ADAMTSL1: variants seen among roughly 807,000 people sequenced by gnomAD.
The protein encoded by ADAMTSL1 is ADAMTS-like protein 1.
In ADAMTSL1, 126 loss-of-function variants were observed where a neutral mutation model predicts 201.8. The observed-to-expected ratio is 0.62, with a 90% CI of 0.54 to 0.72. The LOEUF is 0.72. ADAMTSL1 is among the 30% of genes least tolerant of loss of function. The pLI, the probability that ADAMTSL1 is intolerant of heterozygous loss-of-function variation, is 0.00. For synonymous variants in ADAMTSL1, 1,121 were observed against 903.4 expected (o/e 1.24, Z -4.32); for missense variants, 2,679 against 2,277.8 (o/e 1.18, Z -3.59).
At chr9:18,174,842 C>T (rs539885320) in intron 2 of ADAMTSL1, among the ~76,000 whole-genome samples, 1 of 152,050 alleles carries the variant, frequency 6.6e-6, no homozygotes, top group Non-Finnish European at 1.5e-5. Flanking sequence ...CGTAATTTTG[C>T]TAAATTTAAA....
Position 18,777,187 on chromosome 9 carries a change from C to T in ADAMTSL1, c.2958C>T (p.Gly986=), listed in dbSNP as rs1434678993. The T allele has an allele frequency of 3.7e-6, 6 of 1,612,856 alleles. No individual in the cohort carries two copies. Among genetic ancestry groups the T allele is most frequent in the Non-Finnish European group, 3.4e-6 (4 of 1,179,804 alleles). Residue 986 remains glycine, a synonymous_variant, in exon 19 of 29, where the codon GGC becomes GGT. Transcript: ENST00000380548. ...AAGAGGTGCTTGCGGGGAGGAAGGG[C>T]GGCCCGAAGGAGGCCCTGCAGACCC... The part of the protein sequence containing the change: ...SEEEVLAGRK[G]GPKEALQTHK...
intron 2 of ADAMTSL1, among the ~76,000 whole-genome samples, chr9:18,312,775 A>T (rs879476734): frequency 2.0e-5 from 3 of 152,026 alleles, no homozygotes; most frequent in Non-Finnish European, 2.9e-5. Flanking sequence ...CCCAACAAAA[A>T]CTCTCTGCAA....
intron 2 of ADAMTSL1, among the ~76,000 whole-genome samples, chr9:18,506,518 G>A (rs1176437416): frequency 6.6e-6 from 1 of 152,082 alleles, no homozygotes; most frequent in Non-Finnish European, 1.5e-5. Context: ...AGACTGAGAA[G>A]CAATTTAGGG....
chr9:18,253,504 T>A (rs1199878789), intron 2 of ADAMTSL1, among the ~76,000 whole-genome samples: 1 of 152,160 alleles, frequency 6.6e-6, no homozygotes, highest in Non-Finnish European at 1.5e-5. Flanking sequence ...AACTTCCACT[T>A]TCCCCCATTA....
At chr9:18,085,234 A>G (rs1435580973) in intron 1 of ADAMTSL1, among the ~76,000 whole-genome samples, 1 of 152,026 alleles carries the variant, frequency 6.6e-6, no homozygotes, top group Non-Finnish European at 1.5e-5. Context: ...CAATAGAGGA[A>G]CTAATGCCCA....
intron 2 of ADAMTSL1, among the ~76,000 whole-genome samples, chr9:18,236,678 A>C (rs1429438245): frequency 6.6e-6 from 1 of 152,234 alleles, no homozygotes; most frequent in Admixed American, 6.5e-5. Flanking sequence ...AATCATGATT[A>C]GATCTATTAA....
chr9:18,129,514 A>C (rs1175720259), intron 1 of ADAMTSL1, among the ~76,000 whole-genome samples: 1 of 152,112 alleles, frequency 6.6e-6, no homozygotes, highest in African/African-American at 2.4e-5. Context: ...TATCTTTTCA[A>C]TATCATCCCT....
At chr9:18,150,711 G>A (rs1197537836) in intron 1 of ADAMTSL1, among the ~76,000 whole-genome samples, 1 of 150,508 alleles carries the variant, frequency 6.6e-6, no homozygotes, top group Non-Finnish European at 1.5e-5. Context: ...TAGAGGAGGG[G>A]GGAGAGTAAT....
chr9:18,532,882 G>C (rs1433726117), intron 2 of ADAMTSL1, among the ~76,000 whole-genome samples: 1 of 151,740 alleles, frequency 6.6e-6, no homozygotes, highest in African/African-American at 2.4e-5. Context: ...CAAGATCTAA[G>C]TTTTTCAGTG....
At chr9:18,450,337 T>C (rs1238346382) in intron 2 of ADAMTSL1, among the ~76,000 whole-genome samples, 1 of 152,118 alleles carries the variant, frequency 6.6e-6, no homozygotes, top group Non-Finnish European at 1.5e-5. Context: ...ATGGGTAGAT[T>C]TTACTGTATT....
At chr9:18,895,092 G>A (rs56233074) in intron 26 of ADAMTSL1, among the ~76,000 whole-genome samples, 38,456 of 152,132 alleles carry the variant, frequency 0.25, 5,718 homozygotes, top group Non-Finnish European at 0.33. Context: ...TCTGTGAATG[G>A]CAGTTTCAGT....
At chr9:18,093,521 T>G (rs1824114741) in intron 1 of ADAMTSL1, among the ~76,000 whole-genome samples, 1 of 152,226 alleles carries the variant, frequency 6.6e-6, no homozygotes, top group Admixed American at 6.5e-5. Flanking sequence ...TTTAGGTTTA[T>G]GAAATTTATA....
chr9:18,261,449 AG>A (rs1311391490), intron 2 of ADAMTSL1, among the ~76,000 whole-genome samples: 1 of 152,192 alleles, frequency 6.6e-6, no homozygotes, highest in Non-Finnish European at 1.5e-5. Flanking sequence ...TCCCTCAGGA[AG>A]CTCGAGATAC....
At chr9:18,700,435 T>C (rs1024641828) in intron 13 of ADAMTSL1, among the ~76,000 whole-genome samples, 15 of 152,168 alleles carry the variant, frequency 9.9e-5, no homozygotes, top group African/African-American at 3.6e-4. Flanking sequence ...TCCTTTTCTC[T>C]CTTCCAAGTT....
chr9:18,720,522 G>A (rs1333653444), intron 14 of ADAMTSL1, among the ~76,000 whole-genome samples: 3 of 152,198 alleles, frequency 2.0e-5, no homozygotes, highest in African/African-American at 4.8e-5. Context: ...AATGGCTCAC[G>A]CCTGTAATCC....
intron 20 of ADAMTSL1, among the ~76,000 whole-genome samples, chr9:18,797,281 A>C (rs1396926483): frequency 6.6e-6 from 1 of 152,188 alleles, no homozygotes; most frequent in Non-Finnish European, 1.5e-5. Flanking sequence ...TCCCTCTAAA[A>C]ACAAAGGCTC....
At chr9:18,493,634 A>C (rs558507944) in intron 1 of ADAMTSL1, among the ~76,000 whole-genome samples, 4 of 152,260 alleles carry the variant, frequency 2.6e-5, no homozygotes. Context: ...TAGAGTTGGC[A>C]TAAAAAGACA....
At chr9:18,294,393 A>G (rs1040527528) in intron 2 of ADAMTSL1, among the ~76,000 whole-genome samples, 18 of 152,340 alleles carry the variant, frequency 1.2e-4, no homozygotes, top group African/African-American at 3.4e-4. Flanking sequence ...AATAACAGCA[A>G]TGCTGCCCAG....
chr9:18,906,512 A>G (rs1451442239), intron 27 of ADAMTSL1, among the ~76,000 whole-genome samples, 180 bp from the exon 28 acceptor site: 2 of 152,222 alleles, frequency 1.3e-5, no homozygotes, highest in East Asian at 3.8e-4. Context: ...AAGAGGAAAT[A>G]GTCTTCTTGA....
Sources: gnomAD v4.1 joint callset for allele counts (sites outside exome capture counted in the v4.1 genomes callset) on GRCh38, gnomAD v4.1.1 for gene constraint, MANE v1.5 for transcripts, NCBI Gene and HGNC (gene_info 2026-07-23, HGNC 2026-07-21) for gene names.